BICRA: variants seen among roughly 807,000 people sequenced by gnomAD.
BICRA encodes the protein BRD4-interacting chromatin-remodeling complex-associated protein.
BICRA carries 31 observed loss-of-function variants against 96.9 expected under a neutral mutation model. The observed-to-expected ratio is 0.32, with a 90% CI of 0.24 to 0.43. The LOEUF (loss-of-function observed/expected upper bound fraction) is 0.43, where lower values mean the gene tolerates loss of function less well. Among genes scored for constraint, BICRA ranks in the 20% least tolerant of loss-of-function variants. The pLI is 1.00. For synonymous variants in BICRA, 1,350 were observed against 1,071.8 expected, an observed-to-expected ratio of 1.26 and a Z score of -5.07; for missense variants, 2,283 against 2,190.3, an observed-to-expected ratio of 1.04 and a Z score of -0.84.
Position 47,695,361 on chromosome 19 carries a change from C to G in BICRA, c.3077-4C>G. 4.3e-6 allele frequency: 5 copies of G among 1,156,764 alleles called. No individual in the cohort carries two copies. Among genetic ancestry groups the G allele is most frequent in the Non-Finnish European group, 6.3e-6 (5 of 798,758 alleles). 71.7% of individuals were successfully genotyped at this position (1,156,764 alleles called of 1,614,324 possible). A position where few individuals can be genotyped will look rare whatever the true frequency, so the allele number is the denominator to read the frequency against. On this transcript the variant is annotated splice_polypyrimidine_tract_variant and splice_region_variant and intron_variant, in intron 9 of 14. Coordinates refer to ENST00000594866, the MANE Select transcript of BICRA (RefSeq NM_001394372.1). The stretch of plus-strand genomic sequence containing the variant: ...CCTGTCTCCCCCACCCCACCCACCC[C>G]CAGGCCTCCCTCCTCTGCTTCCAGC...
In BICRA at chr19:47,701,220, A is replaced by C. The variant is rs1973436112; in HGVS notation, c.3596-108A>C. ...CTGAGGATTGGAGGGTCCAGGGTGC[A>C]GTCTGGTGCCTGGCAGGTAGTAGGT... On this transcript the variant is annotated intron_variant, in intron 14 of 14. Coordinates refer to ENST00000594866, the MANE Select transcript of BICRA (RefSeq NM_001394372.1). This position sits in a 1 kb window ranked among gnomAD's most constrained non-coding sequence, Gnocchi z 5.4. The C allele has an allele frequency of 2.7e-6, 2 of 739,688 alleles. No individual in the cohort carries two copies. The highest frequency in any genetic ancestry group is 4.6e-6 in the Non-Finnish European group (2 of 431,066). The allele number at this position is 739,688 out of a possible 1,614,324, so 45.8% of individuals were successfully genotyped here.
In BICRA at chr19:47,702,019, C is replaced by A; in HGVS notation, c.4287C>A (p.Ile1429=). ...TGGACGAGGCCACCAGCGGGCTCATCCGCGAGCTGGCGGCCGTGGAGGACG... is the reference window on the plus strand; with the variant it reads ...TGGACGAGGCCACCAGCGGGCTCATACGCGAGCTGGCGGCCGTGGAGGACG... ...AKVDEATSGL[I]RELAAVEDEL... is the part of the protein sequence containing the mutation. Residue 1429 remains isoleucine (I), a synonymous_variant, in exon 15 of 15, where the codon ATC becomes ATA. Transcript: ENST00000594866. 1 of 1,490,496 alleles carries A rather than the reference C, an allele frequency of 6.7e-7. No homozygotes were observed. The highest frequency in any genetic ancestry group is 8.9e-7 in the Non-Finnish European group (1 of 1,129,008). 92.3% of individuals were successfully genotyped at this position (1,490,496 alleles called of 1,614,324 possible).
At chr19:47,627,331 T>C (rs1280407771) in intron 1 of BICRA, among the ~76,000 whole-genome samples, 1 of 152,164 alleles carries the variant, frequency 6.6e-6, no homozygotes, top group African/African-American at 2.4e-5. Context: ...ACAAGGCCCC[T>C]ACCTTGTTCA....
intron 1 of BICRA, among the ~76,000 whole-genome samples, chr19:47,643,732 A>T (rs900421623): frequency 1.5e-4 from 23 of 152,334 alleles, no homozygotes; most frequent in Non-Finnish European, 3.1e-4. Flanking sequence ...TGTTTGCCAT[A>T]TCGGGCTCTG....
At chr19:47,690,208 G>A (rs181335754) in intron 7 of BICRA, among the ~76,000 whole-genome samples, 1 of 151,482 alleles carries the variant, frequency 6.6e-6, no homozygotes, top group Admixed American at 6.6e-5. Flanking sequence ...CACCATGTTG[G>A]CCAGGCTGGT....
intron 7 of BICRA, among the ~76,000 whole-genome samples, chr19:47,690,950 A>G (rs1475773885): frequency 6.6e-6 from 1 of 152,194 alleles, no homozygotes; most frequent in Non-Finnish European, 1.5e-5. Flanking sequence ...TTACTCCTCA[A>G]CTAGATGTAT....
intron 7 of BICRA, among the ~76,000 whole-genome samples, chr19:47,685,741 C>CTGTGTG (rs3074109): frequency 0.037 from 4,318 of 115,320 alleles, 104 homozygotes; most frequent in Middle Eastern, 0.052. Context: ...TTGGCAGCCT[C>CTGTGTG]TGTGTGTGTG....
chr19:47,667,738 C>T (rs1372581539), intron 1 of BICRA, among the ~76,000 whole-genome samples: 3 of 152,210 alleles, frequency 2.0e-5, no homozygotes, highest in African/African-American at 7.2e-5. Flanking sequence ...GTCCCTTTAT[C>T]TCCTTTTCCA....
In BICRA at chr19:47,611,831, G is replaced by GGTA. The variant is rs763460731; in HGVS notation, c.-108+2663_-108+2664insGTA. 1.7e-3 allele frequency among the ~76,000 whole-genome samples: 261 copies of GGTA among 151,980 alleles called. 1 individual carries two copies. The highest frequency in any genetic ancestry group is 1.2e-3 in the Non-Finnish European group (80 of 67,994). On this transcript the variant is annotated intron_variant, in intron 1 of 14. Transcript: ENST00000594866. ...ATTTATCATTCAGCAGGCCGGGTACGCAGTGTGGGCACAGGGGAGGAATGT... is the reference window on the plus strand; with the variant it reads ...ATTTATCATTCAGCAGGCCGGGTACGGTACAGTGTGGGCACAGGGGAGGAATGT...
At position 47,616,323 on chromosome 19, in the gene BICRA, A is replaced by G. The variant is rs572064170; in HGVS notation, c.-108+7155A>G. ...TGGCCTTTCCCCCAAACCCTAGGCA[A>G]TCAGTGTTGGCATTTTAAATGGAAG... On this transcript the variant is annotated intron_variant, in intron 1 of 14. Transcript: ENST00000594866. Among the ~76,000 whole-genome samples the G allele has an allele frequency of 3.9e-5, 6 of 152,318 alleles. No individual in the cohort carries two copies. The East Asian group carries it at 1.2e-3, about 29-fold the overall frequency.
At chr19:47,644,930 C>G (rs538751251) in intron 1 of BICRA, among the ~76,000 whole-genome samples, 1 of 152,256 alleles carries the variant, frequency 6.6e-6, no homozygotes. Flanking sequence ...TCCTCTTTCT[C>G]TCTCTGTCCT....
At chr19:47,676,005 C>T (rs564110538) in intron 5 of BICRA, 89 bp downstream of exon 5, 10 of 813,296 alleles carry the variant, frequency 1.2e-5, no homozygotes, top group East Asian at 2.8e-5. Flanking sequence ...GGCTTGGGCT[C>T]ATCTCGTGAG....
At chr19:47,611,033 G>A (rs1427138384) in intron 1 of BICRA, among the ~76,000 whole-genome samples, 1 of 152,232 alleles carries the variant, frequency 6.6e-6, no homozygotes, top group South Asian at 2.1e-4. Context: ...AAATAGAGAC[G>A]GGACAGACAT....
chr19:47,681,443 G>A (rs139939104), intron 6 of BICRA, among the ~76,000 whole-genome samples, 167 bp downstream of exon 6: 62 of 152,338 alleles, frequency 4.1e-4, no homozygotes, highest in African/African-American at 1.3e-3. Flanking sequence ...CCCGAAGGGT[G>A]AGGGCCCTGG....
At chr19:47,689,266 A>G (rs1468750653) in intron 7 of BICRA, among the ~76,000 whole-genome samples, 1 of 151,152 alleles carries the variant, frequency 6.6e-6, no homozygotes, top group East Asian at 2.0e-4. Context: ...ATCATCAGAA[A>G]GTTTTTTTTT....
At chr19:47,665,644 G>T (rs1013657151) in intron 1 of BICRA, among the ~76,000 whole-genome samples, 1 of 151,300 alleles carries the variant, frequency 6.6e-6, no homozygotes, top group Admixed American at 6.6e-5. Context: ...TGGTTGTTTT[G>T]TTTTTTTTTA....
At chr19:47,627,792 CAG>C (rs1328947766) in intron 1 of BICRA, among the ~76,000 whole-genome samples, 2 of 152,112 alleles carry the variant, frequency 1.3e-5, no homozygotes, top group African/African-American at 2.4e-5. Flanking sequence ...TTTTTTGAGA[CAG>C]AGTCTTGCTC....
chr19:47,629,283 G>A (rs1330328988), intron 1 of BICRA, among the ~76,000 whole-genome samples: 3 of 152,040 alleles, frequency 2.0e-5, no homozygotes, highest in African/African-American at 2.4e-5. Context: ...GATTACAGGC[G>A]TGAGCCACCA....
At chr19:47,637,051 A>G (rs2974211) in intron 1 of BICRA, among the ~76,000 whole-genome samples, 30,298 of 152,054 alleles carry the variant, frequency 0.2, 3,367 homozygotes, top group Middle Eastern at 0.28. Context: ...CGTCTCTCTC[A>G]CTGCTTATTC....
Sources: allele counts gnomAD v4.1 joint callset (sites outside exome capture counted in the v4.1 genomes callset), GRCh38; gene constraint gnomAD v4.1.1; non-coding constraint Gnocchi (gnomAD v3.1); transcripts MANE v1.5; gene names NCBI Gene and HGNC (gene_info 2026-07-23, HGNC 2026-07-21).